DCLK1: variants seen among roughly 807,000 people sequenced by gnomAD.
DCLK1 encodes the protein serine/threonine-protein kinase DCLK1.
A neutral mutation model predicts 86.2 loss-of-function variants in DCLK1; 16 were observed. The observed-to-expected ratio is 0.19, with a 90% CI of 0.13 to 0.28. DCLK1 has a LOEUF of 0.28. DCLK1 is among the 10% of genes least tolerant of loss of function. The pLI is 1.00. For missense variants in DCLK1, 590 were observed against 940.2 expected, an observed-to-expected ratio of 0.63 and a Z score of 4.87; for synonymous variants, 369 against 370.5, an observed-to-expected ratio of 1.00 and a Z score of 0.05.
At chr13:35,971,501 G>A (rs1879056900) in intron 3 of DCLK1, among the ~76,000 whole-genome samples, 1 of 152,124 alleles carries the variant, frequency 6.6e-6, no homozygotes, top group Admixed American at 6.5e-5. Flanking sequence ...AGTGGCTCAC[G>A]CTTGTAATCC....
chr13:35,900,152 A>G (rs1760432924), intron 4 of DCLK1, among the ~76,000 whole-genome samples: 1 of 152,200 alleles, frequency 6.6e-6, no homozygotes, highest in Admixed American at 6.5e-5. Context: ...TTTGGGTAAT[A>G]CAACATATGG....
intron 4 of DCLK1, among the ~76,000 whole-genome samples, chr13:35,929,015 C>T (rs560032894): frequency 5.6e-4 from 85 of 152,186 alleles, no homozygotes; most frequent in Non-Finnish European, 8.7e-4. Context: ...CTGCAAGCTC[C>T]GCCTCCCAGG....
Position 35,853,422 on chromosome 13 carries a change from A to C in DCLK1, c.1035+1077T>G, listed in dbSNP as rs552849852. Reference sequence around the variant, plus strand: ...CTGATGCCAGGTGAATCAGTGAAGAAAGATAACCAAACTTGATATTTGGTG... The same window carrying C: ...CTGATGCCAGGTGAATCAGTGAAGACAGATAACCAAACTTGATATTTGGTG... On this transcript the variant is annotated intron_variant, in intron 6 of 16. Transcript: ENST00000360631. Among the ~76,000 whole-genome samples, 11 of 152,294 alleles carry C rather than the reference A, an allele frequency of 7.2e-5. No homozygotes were observed. In the South Asian group the frequency reaches 2.3e-3, roughly 32 times the overall value.
chr13:35,972,005 C>A (rs145229451), intron 3 of DCLK1, among the ~76,000 whole-genome samples: 132 of 152,280 alleles, frequency 8.7e-4, no homozygotes, highest in African/African-American at 2.2e-3. Flanking sequence ...TCATTAACTG[C>A]ACTCCCAGGA....
At chr13:35,893,673 G>A (rs962119035) in intron 4 of DCLK1, among the ~76,000 whole-genome samples, 5 of 152,190 alleles carry the variant, frequency 3.3e-5, no homozygotes, top group African/African-American at 7.2e-5. Context: ...AACACAGCAT[G>A]GTAAGTGGAG....
Position 35,805,881 on chromosome 13 carries a change from A to G in DCLK1, c.1864-102T>C. 5.8e-6 allele frequency: 6 copies of G among 1,041,304 alleles called. No homozygotes were observed. In the South Asian group the frequency reaches 1.0e-4, roughly 18 times the overall value. The allele number at this position is 1,041,304 out of a possible 1,614,324, so 64.5% of individuals were successfully genotyped here. On this transcript the variant is annotated intron_variant, in intron 14 of 16. Transcript: ENST00000360631. ...CTTTTAGTTTCGAAAAGCATTTGTA[A>G]AAGCTCTAAATCTTAAATACATCAA...
intron 3 of DCLK1, among the ~76,000 whole-genome samples, chr13:36,052,058 T>C (rs1883141390): frequency 6.6e-6 from 1 of 152,174 alleles, no homozygotes; most frequent in Non-Finnish European, 1.5e-5. Context: ...CTTTCATCAC[T>C]ATCACTTTAG....
At chr13:35,801,241 A>G (rs1649771109) in intron 15 of DCLK1, among the ~76,000 whole-genome samples, 1 of 152,172 alleles carries the variant, frequency 6.6e-6, no homozygotes, top group African/African-American at 2.4e-5. Context: ...ATATTCTTTG[A>G]AATCCCTAAT....
intron 15 of DCLK1, among the ~76,000 whole-genome samples, chr13:35,802,799 T>A (rs989396632): frequency 6.6e-6 from 1 of 152,150 alleles, no homozygotes; most frequent in Non-Finnish European, 1.5e-5. Flanking sequence ...TTCAGTTATA[T>A]ACACTGAATT....
intron 6 of DCLK1, among the ~76,000 whole-genome samples, chr13:35,842,027 T>C (rs888714448): frequency 3.3e-5 from 5 of 151,558 alleles, no homozygotes; most frequent in African/African-American, 1.2e-4. Flanking sequence ...CCCTTCATCA[T>C]TAATGGGAGG....
At chr13:35,960,178 T>G (rs1023040499) in intron 3 of DCLK1, among the ~76,000 whole-genome samples, 1 of 152,100 alleles carries the variant, frequency 6.6e-6, no homozygotes, top group East Asian at 1.9e-4. Flanking sequence ...TCTACTTCCC[T>G]TTCTCCCCCC....
At chr13:35,943,331 T>C (rs940068901) in intron 4 of DCLK1, among the ~76,000 whole-genome samples, 1 of 152,160 alleles carries the variant, frequency 6.6e-6, no homozygotes, top group Non-Finnish European at 1.5e-5. Context: ...GCCCTGCCAG[T>C]ACCTTGATTT....
intron 11 of DCLK1, among the ~76,000 whole-genome samples, chr13:35,820,161 C>G (rs544033750): frequency 6.6e-6 from 1 of 152,288 alleles, no homozygotes; most frequent in Admixed American, 6.5e-5. Context: ...TAAACCAGGA[C>G]AGAATAAGTT....
At chr13:35,879,999 T>C (rs995353755) in intron 4 of DCLK1, among the ~76,000 whole-genome samples, 4 of 152,194 alleles carry the variant, frequency 2.6e-5, no homozygotes, top group African/African-American at 9.7e-5. Flanking sequence ...AGGCAATGTT[T>C]CCCAGAGGGG....
At chr13:36,115,185 C>T (rs556490973) in intron 2 of DCLK1, among the ~76,000 whole-genome samples, 95 of 151,976 alleles carry the variant, frequency 6.3e-4, no homozygotes, top group Non-Finnish European at 1.1e-3. Flanking sequence ...AAAAAACAAA[C>T]GAAAAAACAA....
intron 3 of DCLK1, among the ~76,000 whole-genome samples, chr13:36,031,213 A>G (rs1461542866): frequency 6.6e-6 from 1 of 152,176 alleles, no homozygotes; most frequent in African/African-American, 2.4e-5. Flanking sequence ...AAATCAAATT[A>G]GCAAATAATG....
At chr13:36,070,557 A>T (rs889701005) in intron 3 of DCLK1, among the ~76,000 whole-genome samples, 2 of 152,222 alleles carry the variant, frequency 1.3e-5, no homozygotes, top group African/African-American at 4.8e-5. Flanking sequence ...TTCTGCAAGG[A>T]TTGGCTGACC....
intron 16 of DCLK1, among the ~76,000 whole-genome samples, chr13:35,779,365 C>A (rs946189496): frequency 6.6e-6 from 1 of 152,142 alleles, no homozygotes; most frequent in African/African-American, 2.4e-5. Context: ...TTGTTTTGAC[C>A]AAACTTTTGG....
intron 4 of DCLK1, among the ~76,000 whole-genome samples, chr13:35,900,291 A>G (rs1593714473): frequency 1.4e-5 from 2 of 147,364 alleles, no homozygotes; most frequent in East Asian, 4.0e-4. Context: ...CCCAGGCTGG[A>G]GTGCAGTGGC....
Sources: allele counts gnomAD v4.1 joint callset (sites outside exome capture counted in the v4.1 genomes callset), GRCh38; gene constraint gnomAD v4.1.1; transcripts MANE v1.5; gene names NCBI Gene and HGNC (gene_info 2026-07-23, HGNC 2026-07-21).